RELL2: variants seen among roughly 807,000 people sequenced by gnomAD.
The protein encoded by RELL2 is RELT-like protein 2.
RELL2 carries 18 observed loss-of-function variants against 27.5 expected under a neutral mutation model. The observed-to-expected ratio is 0.65, with a 90% CI of 0.45 to 0.97. RELL2 has a LOEUF of 0.97. Ranked by LOEUF, RELL2 falls within the 50% of genes least tolerant of loss-of-function variation. The pLI is 0.00. For missense variants in RELL2, 370 were observed against 397.5 expected (o/e 0.93, Z 0.59); for synonymous variants, 156 against 147.5 (o/e 1.06, Z -0.42).
intron 6 of RELL2, 80 bp from the exon 7 acceptor site, chr5:141,640,591 G>A: frequency 5.2e-6 from 8 of 1,545,430 alleles, no homozygotes; most frequent in Middle Eastern, 1.7e-4. Flanking sequence ...GTGGAGGTAG[G>A]GAAGGTCCTG....
chr5:141,638,287 T>A lies in RELL2; in HGVS notation c.62T>A (p.Leu21His), dbSNP rs551321177. The change falls in exon 1 of 7, where the codon CTT (leucine) becomes CAT (histidine). Residue 21 changes from leucine to histidine, a missense_variant. Physicochemically the swap from Leu to His is moderately conservative, Grantham distance 99. Coordinates refer to ENST00000297164, the MANE Select transcript of RELL2 (RefSeq NM_173828.5). ...CATGGGCTATATATGCTCTTCCTGC[T>A]TGTGCTGGTCTTCTTCCTCATGGGC... ...PQHGLYMLFL[L>H]VLVFFLMGLV... The A allele has an allele frequency of 6.8e-6, 11 of 1,614,048 alleles. No homozygotes were observed. The South Asian group carries it at 1.2e-4, about 18-fold the overall frequency.
chr5:141,638,615 G>A (rs1480506055), intron 1 of RELL2, among the ~76,000 whole-genome samples, 180 bp from the exon 2 acceptor site: 1 of 152,180 alleles, frequency 6.6e-6, no homozygotes, highest in East Asian at 1.9e-4. Flanking sequence ...TCCTCTGGAT[G>A]GTAGTCTTGG....
chr5:141,637,607 G>A lies in RELL2; in HGVS notation c.-619G>A, dbSNP rs1037710994. On this transcript the variant is annotated 5_prime_UTR_variant, in exon 1 of 7. Coordinates refer to ENST00000297164, the MANE Select transcript of RELL2 (RefSeq NM_173828.5). ...GCGGGTATCCGCAGCCACAGCCCGG[G>A]GCCGGTGAGGCGGCGAAGGGGGAGG... The A allele has an allele frequency of 6.5e-6, 1 of 152,816 alleles. No individual in the cohort carries two copies. Among genetic ancestry groups the A allele is most frequent in the South Asian group, 2.1e-4 (1 of 4,856 alleles). 9.5% of individuals were successfully genotyped at this position (152,816 alleles called of 1,614,324 possible). A position where few individuals can be genotyped will look rare whatever the true frequency, so the allele number is the denominator to read the frequency against.
In RELL2 at chr5:141,638,784, T is replaced by A; in HGVS notation, c.185-11T>A. 6.2e-7 allele frequency: 1 copy of A among 1,613,218 alleles called. No individual in the cohort carries two copies. Among genetic ancestry groups the A allele is most frequent in the Non-Finnish European group, 8.5e-7 (1 of 1,179,116 alleles). On this transcript the variant is annotated splice_polypyrimidine_tract_variant and intron_variant, in intron 1 of 6. Transcript: ENST00000297164. ...ATTCCTGCTTCCTTGCCAATCTCTT[T>A]CATCCTTCAGCTGAGGACGATGACA...
In RELL2 at chr5:141,637,887, G is replaced by T. The variant is rs2099906296; in HGVS notation, c.-339G>T. ...TGACTCAGGCAGGATTTCTGCTCCC[G>T]CCGCCTAAGAATGCCGTCCCATCTC... On this transcript the variant is annotated 5_prime_UTR_variant, in exon 1 of 7. Coordinates refer to ENST00000297164, the MANE Select transcript of RELL2 (RefSeq NM_173828.5). The T allele has an allele frequency of 9.0e-6, 2 of 221,082 alleles. 1 individual carries two copies. The highest frequency in any genetic ancestry group is 1.0e-4 in the Admixed American group (2 of 19,356). 13.7% of individuals were successfully genotyped at this position (221,082 alleles called of 1,614,324 possible). A position where few individuals can be genotyped will look rare whatever the true frequency, so the allele number is the denominator to read the frequency against.
In RELL2 at chr5:141,639,431, G is replaced by A; in HGVS notation, c.318-33G>A. 1 of 1,543,226 alleles carries A rather than the reference G, an allele frequency of 6.5e-7. No individual in the cohort carries two copies. Among genetic ancestry groups the A allele is most frequent in the Non-Finnish European group, 8.8e-7 (1 of 1,132,674 alleles). On this transcript the variant is annotated intron_variant, in intron 3 of 6. Transcript: ENST00000297164. This position sits in a 1 kb window ranked among gnomAD's most constrained non-coding sequence, Gnocchi z 4.4. The stretch of plus-strand genomic sequence containing the variant: ...ACAAAACATGAAGGGAAATGGAAAT[G>A]TTACCCTCACTCCCCTCCTCCCTGC...
chr5:141,638,296 T>C lies in RELL2; in HGVS notation c.71T>C (p.Val24Ala), dbSNP rs1475063374. 6.2e-7 allele frequency: 1 copy of C among 1,613,942 alleles called. No individual in the cohort carries two copies. The highest frequency in any genetic ancestry group is 1.7e-5 in the Admixed American group (1 of 60,008). Residue 24 changes from valine to alanine, a missense_variant, in exon 1 of 7, where the codon GTC becomes GCC. Coordinates refer to ENST00000297164, the MANE Select transcript of RELL2 (RefSeq NM_173828.5). ...TATATGCTCTTCCTGCTTGTGCTGG[T>C]CTTCTTCCTCATGGGCCTGGTAGGC... ...GLYMLFLLVLVFFLMGLVGFM... is the reference protein window; with the variant it reads ...GLYMLFLLVLAFFLMGLVGFM...
rs2099906324 is a variant in RELL2 at position 141,637,990 on chromosome 5, A to G, written c.-236A>G. ...ACGCTCGGGGCGTCGGGGAAGCGGG[A>G]CCAGGGTCGTGGTAGAGAGCTTGCG... On this transcript the variant is annotated 5_prime_UTR_variant, in exon 1 of 7. Coordinates refer to ENST00000297164, the MANE Select transcript of RELL2 (RefSeq NM_173828.5). 1 of 478,328 alleles carries G rather than the reference A, an allele frequency of 2.1e-6. No individual in the cohort carries two copies. 29.6% of individuals were successfully genotyped at this position (478,328 alleles called of 1,614,324 possible).
rs377333829 is a variant in RELL2, at chr5:141,637,293, C to A, written c.-933C>A. The A allele has an allele frequency of 6.0e-4, 92 of 153,832 alleles. No individual in the cohort carries two copies. The East Asian group carries it at 0.013, about 22-fold the overall frequency. 9.5% of individuals were successfully genotyped at this position (153,832 alleles called of 1,614,324 possible). On this transcript the variant is annotated 5_prime_UTR_variant, in exon 1 of 7. Transcript: ENST00000297164. ...CAGGCGTACCGGATAGACCAGTGGA[C>A]AACACCCACGCCGGACCGCCTGTCC...
chr5:141,637,799 G>A lies in RELL2; in HGVS notation c.-427G>A. 1 of 166,944 alleles carries A rather than the reference G, an allele frequency of 6.0e-6. No homozygotes were observed. Among genetic ancestry groups the A allele is most frequent in the Non-Finnish European group, 1.3e-5 (1 of 75,646 alleles). 10.3% of individuals were successfully genotyped at this position (166,944 alleles called of 1,614,324 possible). A position where few individuals can be genotyped will look rare whatever the true frequency, so the allele number is the denominator to read the frequency against. On this transcript the variant is annotated 5_prime_UTR_variant, in exon 1 of 7. Transcript: ENST00000297164. ...AAACCAAAAAGGGAGAGGGGTGCGGGAGTACTGAGAGGAAGGGGCTGCAGA... is the reference window on the plus strand; with the variant it reads ...AAACCAAAAAGGGAGAGGGGTGCGGAAGTACTGAGAGGAAGGGGCTGCAGA...
Position 141,640,065 on chromosome 5 carries a change from C to A in RELL2, c.649C>A (p.Pro217Thr), listed in dbSNP as rs141623307. ...GGGAGGGCAGCCCAAGGCAGGGATG[C>A]CTGCCATGGAGAGGCTGCCCCCTGA... ...SGGGQPKAGM[P>T]AMERLPPERP... The change falls in exon 5 of 7, where the codon CCT becomes ACT. Residue 217 changes from proline (P) to threonine (T), a missense_variant. Physicochemically the swap from Pro to Thr is conservative, Grantham distance 38 (BLOSUM62 -1). Coordinates refer to ENST00000297164, the MANE Select transcript of RELL2 (RefSeq NM_173828.5). 1.9e-6 allele frequency: 3 copies of A among 1,613,514 alleles called. No homozygotes were observed. In the African/African-American group the frequency reaches 4.0e-5, roughly 22 times the overall value.
Position 141,639,623 on chromosome 5 carries a change from G to C in RELL2, c.477G>C (p.Gly159=). Residue 159 remains glycine, a synonymous_variant, in exon 4 of 7, where the codon GGG becomes GGC. Coordinates refer to ENST00000297164, the MANE Select transcript of RELL2 (RefSeq NM_173828.5). This position sits in a 1 kb window ranked among gnomAD's most constrained non-coding sequence, Gnocchi z 4.4. ...SKEGKSRPRT[G]ETTVFSVGRF... is the part of the protein sequence containing the mutation. ...AAGGAAAAAGCCGCCCCCGGACAGG[G>C]GAGACCACTGTGTTCTCTGTGGGCA... The C allele has an allele frequency of 6.2e-7, 1 of 1,611,966 alleles. No homozygotes were observed. The highest frequency in any genetic ancestry group is 2.2e-5 in the East Asian group (1 of 44,862).
At chr5:141,638,713 A>G (rs2154598189) in intron 1 of RELL2, 82 bp from the exon 2 acceptor site, 1 of 1,202,450 alleles carries the variant, frequency 8.3e-7, no homozygotes, top group East Asian at 2.3e-5. Context: ...TGTCCTAAGC[A>G]ATAAATGATG....
In RELL2 at chr5:141,640,293, C is replaced by G. The variant is rs771839658; in HGVS notation, c.877C>G (p.Gln293Glu). ...QPSKPDTSDH[Q>E]VSLPQGAGSM Reference sequence around the variant, plus strand: ...AAGCAAACCAGACACTTCTGATCACCAGGTAGGAAAACACAGCCGGGACTG... The same window carrying G: ...AAGCAAACCAGACACTTCTGATCACGAGGTAGGAAAACACAGCCGGGACTG... Residue 293 changes from glutamine to glutamate, a missense_variant and splice_region_variant, in exon 5 of 7, where the codon CAG becomes GAG. Transcript: ENST00000297164. 1 of 1,613,750 alleles carries G rather than the reference C, an allele frequency of 6.2e-7. No homozygotes were observed. The highest frequency in any genetic ancestry group is 1.7e-5 in the Admixed American group (1 of 59,966).
chr5:141,638,142 G>C lies in RELL2; in HGVS notation c.-84G>C. On this transcript the variant is annotated 5_prime_UTR_variant, in exon 1 of 7. Transcript: ENST00000297164. ...CGTGCTTGTTTCAGATCCTGAGGAC[G>C]GCATTCCTACCCCTCCCCCATTCCC... The C allele has an allele frequency of 1.2e-6, 1 of 831,510 alleles. No individual in the cohort carries two copies. The highest frequency in any genetic ancestry group is 2.0e-6 in the Non-Finnish European group (1 of 511,340). The allele number at this position is 831,510 out of a possible 1,614,324, so 51.5% of individuals were successfully genotyped here. A position where few individuals can be genotyped will look rare whatever the true frequency, so the allele number is the denominator to read the frequency against.
At position 141,637,893 on chromosome 5, in the gene RELL2, T is replaced by G. The variant is rs940796263; in HGVS notation, c.-333T>G. The G allele has an allele frequency of 3.0e-5, 7 of 230,400 alleles. No homozygotes were observed. Among genetic ancestry groups the G allele is most frequent in the Non-Finnish European group, 4.3e-5 (5 of 116,076 alleles). The allele number at this position is 230,400 out of a possible 1,614,324, so 14.3% of individuals were successfully genotyped here. Reference sequence around the variant, plus strand: ...AGGCAGGATTTCTGCTCCCGCCGCCTAAGAATGCCGTCCCATCTCGTGCTG... The same window carrying G: ...AGGCAGGATTTCTGCTCCCGCCGCCGAAGAATGCCGTCCCATCTCGTGCTG... On this transcript the variant is annotated 5_prime_UTR_variant, in exon 1 of 7. It removes the in-frame stop codon of an upstream open reading frame in the 5' UTR. Transcript: ENST00000297164.
chr5:141,637,950 A>C lies in RELL2; in HGVS notation c.-276A>C, dbSNP rs1178295172. On this transcript the variant is annotated 5_prime_UTR_variant, in exon 1 of 7. Transcript: ENST00000297164. Reference sequence around the variant, plus strand: ...CCTTGGGAGGGACAGAAGCGCGAACAAGCTGGAAAGGGGAACGCTCGGGGC... The same window carrying C: ...CCTTGGGAGGGACAGAAGCGCGAACCAGCTGGAAAGGGGAACGCTCGGGGC... 7.5e-6 allele frequency: 3 copies of C among 399,086 alleles called. No individual in the cohort carries two copies. The highest frequency in any genetic ancestry group is 1.4e-5 in the Non-Finnish European group (3 of 218,320). The allele number at this position is 399,086 out of a possible 1,614,324, so 24.7% of individuals were successfully genotyped here.
At position 141,638,831 on chromosome 5, in the gene RELL2, G is replaced by A; in HGVS notation, c.221G>A (p.Arg74Lys). 1 of 1,614,190 alleles carries A rather than the reference G, an allele frequency of 6.2e-7. No individual in the cohort carries two copies. The change falls in exon 2 of 7, where the codon AGG becomes AAG. Residue 74 changes from arginine (R) to lysine (K), a missense_variant. By Grantham distance (26) the Arg-to-Lys change is conservative (BLOSUM62 2). Transcript: ENST00000297164. ...DDDMNEDTVE[R>K]IVRCIIQNEA... is the part of the protein sequence containing the mutation. ...GACATGAATGAGGACACAGTAGAGA[G>A]GATTGTTCGCTGCATCATCCAGAAT...
chr5:141,639,065 G>C lies in RELL2; in HGVS notation c.317+44G>C. On this transcript the variant is annotated intron_variant, in intron 3 of 6. Transcript: ENST00000297164. The surrounding 1 kb of genome is among the most constrained non-coding windows in gnomAD (Gnocchi z 4.4). ...CCAGCATGACTTAGCTTGCCTTGGA[G>C]AGTATCCTCTCCTCCAGCACAATCC... is the stretch of plus-strand genomic sequence containing the variant. 1 of 1,540,664 alleles carries C rather than the reference G, an allele frequency of 6.5e-7. No homozygotes were observed. The highest frequency in any genetic ancestry group is 8.9e-7 in the Non-Finnish European group (1 of 1,120,044).
Sources: allele counts gnomAD v4.1 joint callset (sites outside exome capture counted in the v4.1 genomes callset), GRCh38; gene constraint gnomAD v4.1.1; non-coding constraint Gnocchi (gnomAD v3.1); transcripts MANE v1.5; gene names NCBI Gene and HGNC (gene_info 2026-07-23, HGNC 2026-07-21).